Variants in EPG5 observed in about 807,000 individuals in gnomAD.
The protein encoded by EPG5 is ectopic P granules protein 5 homolog.
Under a neutral mutation model 302.7 loss-of-function variants are expected in EPG5, and 159 were observed. That is an observed-to-expected ratio of 0.53 (90% confidence interval 0.46 to 0.60). The LOEUF (loss-of-function observed/expected upper bound fraction) is 0.60, where lower values mean the gene tolerates loss of function less well. Among genes scored for constraint, EPG5 ranks in the 20% least tolerant of loss-of-function variants. The pLI is 0.00. For synonymous variants in EPG5, 1,158 were observed against 1,136.8 expected, an observed-to-expected ratio of 1.02 and a Z score of -0.37; for missense variants, 2,896 against 3,092.4, an observed-to-expected ratio of 0.94 and a Z score of 1.51.
intron 27 of EPG5, among the ~76,000 whole-genome samples, chr18:45,893,402 TAAAAA>T (rs2049394913): frequency 6.6e-6 from 1 of 151,918 alleles, no homozygotes; most frequent in Non-Finnish European, 1.5e-5. Context: ...CCATCTCTAC[TAAAAA>T]TACAAAAATT....
chr18:45,917,564 A>G, intron 17 of EPG5, 115 bp downstream of exon 17: 2 of 1,313,080 alleles, frequency 1.5e-6, no homozygotes, highest in Non-Finnish European at 2.2e-6. Context: ...TTTGCCCCAT[A>G]ATACGCTGTT....
At chr18:45,831,492 T>C in the EPG5 span, among the ~76,000 whole-genome samples, 11 of 152,120 alleles carry the variant, frequency 7.2e-5, no homozygotes, top group Admixed American at 5.9e-4. Context: ...AAAAAACAAA[T>C]AGTGGCTGAG....
intron 27 of EPG5, among the ~76,000 whole-genome samples, chr18:45,893,910 T>C (rs1568128940): frequency 6.6e-5 from 10 of 152,242 alleles, no homozygotes; most frequent in African/African-American, 1.7e-4. Context: ...TTCCCCAAAG[T>C]AGTTAAAATC....
chr18:45,964,848 G>C (rs2051215904), intron 1 of EPG5, among the ~76,000 whole-genome samples: 2 of 152,166 alleles, frequency 1.3e-5, no homozygotes, highest in Non-Finnish European at 2.9e-5. Flanking sequence ...AGCTACTCGG[G>C]AGGCTGAGGC....
chr18:45,921,182 C>T (rs1406853694), intron 16 of EPG5, among the ~76,000 whole-genome samples: 3 of 152,202 alleles, frequency 2.0e-5, no homozygotes, highest in African/African-American at 7.2e-5. Flanking sequence ...CCAAGGAAAG[C>T]TATCAAACAA....
At chr18:45,827,880 A>T in the EPG5 span, among the ~76,000 whole-genome samples, 1 of 152,198 alleles carries the variant, frequency 6.6e-6, no homozygotes, top group Admixed American at 6.5e-5. Context: ...TGGGCTGTGG[A>T]GTCACATGTT....
rs969210701 is a variant in EPG5 at position 45,884,384 on chromosome 18, C to G, written c.5304+233G>C. Among the ~76,000 whole-genome samples the G allele has an allele frequency of 4.6e-5, 7 of 152,222 alleles. No individual in the cohort carries two copies. In the East Asian group the frequency reaches 1.2e-3, roughly 25 times the overall value. On this transcript the variant is annotated intron_variant, in intron 30 of 43. Transcript: ENST00000282041. ...AAAACTGTATTCCATAAAACCGGTC[C>G]CTGGTGCCAAAAAGGTTGGAGACCA...
chr18:45,900,213 T>G (rs966015030), intron 26 of EPG5, among the ~76,000 whole-genome samples: 2 of 151,974 alleles, frequency 1.3e-5, no homozygotes, highest in Non-Finnish European at 2.9e-5. Context: ...CCATCCTGGC[T>G]AACACAGTGA....
intron 24 of EPG5, among the ~76,000 whole-genome samples, chr18:45,905,387 C>T (rs2049725437): frequency 6.6e-6 from 1 of 152,182 alleles, no homozygotes; most frequent in Non-Finnish European, 1.5e-5. Flanking sequence ...AGTCCCAACT[C>T]ATTATTTCCA....
intron 19 of EPG5, 49 bp downstream of exon 19, chr18:45,915,958 TAC>T: frequency 6.7e-7 from 1 of 1,483,788 alleles, no homozygotes; most frequent in Non-Finnish European, 9.1e-7. Context: ...TTTAGAAAGC[TAC>T]TTTATCTAGC....
At chr18:45,822,725 A>T in the EPG5 span, among the ~76,000 whole-genome samples, 5 of 152,226 alleles carry the variant, frequency 3.3e-5, no homozygotes, top group South Asian at 1.0e-3. Context: ...GAAGATTTTT[A>T]AAAGAATATC....
At position 45,879,162 on chromosome 18, in the gene EPG5, G is replaced by T. The variant is rs1433955913; in HGVS notation, c.5720C>A (p.Ser1907Tyr). The change falls in exon 33 of 44, where the codon TCC (serine) becomes TAC (tyrosine). Residue 1907 changes from serine to tyrosine, a missense_variant. By Grantham distance (144) the Ser-to-Tyr change is moderately radical. Transcript: ENST00000282041. ...LSDFFYKLRL[S>Y]KMDFKSFGLF... Reference sequence around the variant, plus strand: ...ACCAAAGCTTTTAAAGTCCATCTTGGATAACCGAAGCTTATAAAAAAAGTC... The same window carrying T: ...ACCAAAGCTTTTAAAGTCCATCTTGTATAACCGAAGCTTATAAAAAAAGTC... 6.2e-7 allele frequency: 1 copy of T among 1,613,952 alleles called. No homozygotes were observed. Among genetic ancestry groups the T allele is most frequent in the African/African-American group, 1.3e-5 (1 of 74,994 alleles).
chr18:45,935,280 C>T (rs2050494416), intron 10 of EPG5, among the ~76,000 whole-genome samples: 2 of 152,176 alleles, frequency 1.3e-5, no homozygotes, highest in Non-Finnish European at 1.5e-5. Flanking sequence ...TGGTGGCTCA[C>T]GCCTGTAATC....
intron 2 of EPG5, among the ~76,000 whole-genome samples, chr18:45,952,878 A>C (rs2143754208): frequency 6.6e-6 from 1 of 152,352 alleles, no homozygotes; most frequent in East Asian, 1.9e-4. Context: ...GAGTAACTCT[A>C]GTAGTCAGCA....
intron 35 of EPG5, among the ~76,000 whole-genome samples, chr18:45,871,905 C>T (rs1046579608): frequency 8.5e-5 from 13 of 152,054 alleles, no homozygotes; most frequent in East Asian, 3.9e-4. Flanking sequence ...CAATGCATTA[C>T]GTATTTCGAA....
In EPG5 at chr18:45,857,868, G is replaced by A. The variant is rs373566983; in HGVS notation, c.7427C>T (p.Ser2476Leu). The change falls in exon 42 of 44, where the codon TCG becomes TTG. Residue 2476 changes from serine (S) to leucine (L), a missense_variant. This residue lies in a region of EPG5 where 620 missense variants were observed against 704.2 expected (regional missense o/e 0.88). Transcript: ENST00000282041. ...GCTTCCTTACCTGTTAGACAAAGGC[G>A]ACTTCCGGCCAAACCCAATTGCCCC... ...ILGAIGFGRKSPLSNRFRVVA... is the reference protein window; with the variant it reads ...ILGAIGFGRKLPLSNRFRVVA... 2.5e-6 allele frequency: 4 copies of A among 1,611,964 alleles called. No individual in the cohort carries two copies. The highest frequency in any genetic ancestry group is 1.3e-5 in the African/African-American group (1 of 74,814).
At chr18:45,952,917 TA>T (rs1366105176) in intron 2 of EPG5, among the ~76,000 whole-genome samples, 4 of 152,122 alleles carry the variant, frequency 2.6e-5, no homozygotes, top group Non-Finnish European at 5.9e-5. Context: ...CTGATGCTTG[TA>T]ATCCCACCAC....
intron 4 of EPG5, among the ~76,000 whole-genome samples, chr18:45,950,377 C>T (rs55708279): frequency 0.024 from 3,642 of 152,106 alleles, 148 homozygotes; most frequent in African/African-American, 0.084. Flanking sequence ...TCATGGGGGC[C>T]GGTCTTTCCC....
At position 45,850,206 on chromosome 18, in the gene EPG5, C is replaced by T. The variant is rs529044074; in HGVS notation, c.*2261G>A. ...CTCCACGCTGCTCAGTCCACAGGGC[C>T]TTGGTCTTGCTTGATTCCCGTCTTG... On this transcript the variant is annotated 3_prime_UTR_variant, in exon 44 of 44. Coordinates refer to ENST00000282041, the MANE Select transcript of EPG5 (RefSeq NM_020964.3). The T allele has an allele frequency of 2.0e-5, 3 of 152,434 alleles. No homozygotes were observed. The highest frequency in any genetic ancestry group is 7.2e-5 in the African/African-American group (3 of 41,576). The allele number at this position is 152,434 out of a possible 1,614,324, so 9.4% of individuals were successfully genotyped here. A position where few individuals can be genotyped will look rare whatever the true frequency, so the allele number is the denominator to read the frequency against.
Sources: gnomAD v4.1 joint callset for allele counts (sites outside exome capture counted in the v4.1 genomes callset) on GRCh38, gnomAD v4.1.1 for gene constraint, gnomAD v4.1.1 regional missense constraint, MANE v1.5 for transcripts, NCBI Gene and HGNC (gene_info 2026-07-23, HGNC 2026-07-21) for gene names.